The following CSMD3 variants were observed in gnomAD, a reference collection of about 807,000 sequenced individuals.
The protein encoded by CSMD3 is CUB and sushi domain-containing protein 3.
Under a neutral mutation model 435.2 loss-of-function variants are expected in CSMD3, and 177 were observed. The ratio of observed to expected loss-of-function variants is 0.41; its 90% CI spans 0.36 to 0.46. The LOEUF (loss-of-function observed/expected upper bound fraction) is 0.46, where lower values mean the gene tolerates loss of function less well. CSMD3 is among the 20% of genes least tolerant of loss of function. CSMD3 has a pLI of 0.34. For synonymous variants in CSMD3, 1,656 were observed against 1,520.5 expected, an observed-to-expected ratio of 1.09 and a Z score of -2.07; for missense variants, 4,265 against 4,504.6, an observed-to-expected ratio of 0.95 and a Z score of 1.52.
chr8:112,993,274 G>T lies in CSMD3; in HGVS notation c.1031-17126C>A, dbSNP rs577487234. On this transcript the variant is annotated intron_variant, in intron 6 of 70. Transcript: ENST00000297405. ...GCAGCAGGGAAAGGCCAGTGTAATT[G>T]GCACAAATATGACTGTGAATAATGC... is the stretch of plus-strand genomic sequence containing the variant. 5.3e-5 allele frequency among the ~76,000 whole-genome samples: 8 copies of T among 151,882 alleles called. No homozygotes were observed. The South Asian group carries it at 1.7e-3, about 31-fold the overall frequency.
At chr8:112,369,351 T>C (rs1369915077) in intron 38 of CSMD3, among the ~76,000 whole-genome samples, 2 of 152,184 alleles carry the variant, frequency 1.3e-5, no homozygotes, top group Non-Finnish European at 2.9e-5. Context: ...TTTCTTACTC[T>C]AAAAAATATA....
intron 6 of CSMD3, among the ~76,000 whole-genome samples, chr8:113,008,840 A>G (rs1161785321): frequency 6.6e-6 from 1 of 151,396 alleles, no homozygotes; most frequent in Non-Finnish European, 1.5e-5. Context: ...CCTATTTATT[A>G]TATTAATTAT....
chr8:112,298,581 A>C (rs1820572785), intron 53 of CSMD3, among the ~76,000 whole-genome samples: 2 of 152,118 alleles, frequency 1.3e-5, no homozygotes, highest in Admixed American at 6.6e-5. Context: ...TATAAAACAC[A>C]TAATGATGAA....
chr8:113,406,798 T>C (rs2094534736), intron 1 of CSMD3, among the ~76,000 whole-genome samples: 1 of 152,098 alleles, frequency 6.6e-6, no homozygotes, highest in Non-Finnish European at 1.5e-5. Context: ...TATTAAGAGC[T>C]TATATTTAGT....
rs2131301779 is a variant in CSMD3, at chr8:112,573,592, T to C, written c.3951A>G (p.Gly1317=). 6.2e-7 allele frequency: 1 copy of C among 1,613,350 alleles called. No individual in the cohort carries two copies. Among genetic ancestry groups the C allele is most frequent in the Non-Finnish European group, 8.5e-7 (1 of 1,179,446 alleles). ...GATTTGAAGTACTACTAAGTGTCAGTCCGCGCATAGATGCACCAGTAAAAG... is the reference window on the plus strand; with the variant it reads ...GATTTGAAGTACTACTAAGTGTCAGCCCGCGCATAGATGCACCAGTAAAAG... ...LGAFTGASMR[G]LTLSSTSNQL... is the part of the protein sequence containing the mutation. Residue 1317 remains glycine, a synonymous_variant, in exon 24 of 71, where the codon GGA becomes GGG. Coordinates refer to ENST00000297405, the MANE Select transcript of CSMD3 (RefSeq NM_198123.2).
At chr8:113,426,236 A>G (rs775663407) in intron 1 of CSMD3, among the ~76,000 whole-genome samples, 3 of 151,476 alleles carry the variant, frequency 2.0e-5, no homozygotes, top group Admixed American at 1.3e-4. Context: ...TATACTTCTG[A>G]TAATGGATTC....
intron 5 of CSMD3, among the ~76,000 whole-genome samples, chr8:113,058,969 T>A (rs994780249): frequency 6.6e-6 from 1 of 152,082 alleles, no homozygotes; most frequent in Non-Finnish European, 1.5e-5. Flanking sequence ...CACATCACAC[T>A]ATAGCTAGCA....
chr8:112,796,782 T>C lies in CSMD3; in HGVS notation c.1972+3380A>G, dbSNP rs2078839555. 2.0e-5 allele frequency among the ~76,000 whole-genome samples: 3 copies of C among 152,002 alleles called. No individual in the cohort carries two copies. In the South Asian group the frequency reaches 6.2e-4, roughly 31 times the overall value. ...TTAGTTCACATCTTAAATAATAGTT[T>C]TGGCAAACAAAAAAAATCTCCTGTG... is the stretch of plus-strand genomic sequence containing the variant. On this transcript the variant is annotated intron_variant, in intron 13 of 70. Transcript: ENST00000297405.
At chr8:113,404,664 G>T (rs1393161827) in intron 1 of CSMD3, among the ~76,000 whole-genome samples, 1 of 151,222 alleles carries the variant, frequency 6.6e-6, no homozygotes. Flanking sequence ...CTACACACCT[G>T]CTCCTACAAA....
intron 27 of CSMD3, among the ~76,000 whole-genome samples, chr8:112,543,312 T>C (rs1002352420): frequency 1.4e-4 from 22 of 152,054 alleles, no homozygotes; most frequent in Non-Finnish European, 2.9e-4. Flanking sequence ...TGGCAAGCTA[T>C]GGAATGGGAG....
Position 113,212,639 on chromosome 8 carries a change from C to CA in CSMD3, c.515-38724dup, listed in dbSNP as rs1373837694. Among the ~76,000 whole-genome samples, 6 of 151,048 alleles carry CA rather than the reference C, an allele frequency of 4.0e-5. No individual in the cohort carries two copies. In the East Asian group the frequency reaches 5.9e-4, roughly 15 times the overall value. ...CATTCTCAGCAAACTATCACAAGGACAAAAAACCAAACACCGCATGTTCTC... is the reference window on the plus strand; with the variant it reads ...CATTCTCAGCAAACTATCACAAGGACAAAAAAACCAAACACCGCATGTTCTC... On this transcript the variant is annotated intron_variant, in intron 3 of 70. Coordinates refer to ENST00000297405, the MANE Select transcript of CSMD3 (RefSeq NM_198123.2).
At chr8:112,752,914 TG>T (rs1563926845) in intron 13 of CSMD3, among the ~76,000 whole-genome samples, 16 of 149,202 alleles carry the variant, frequency 1.1e-4, no homozygotes, top group Middle Eastern at 3.5e-3. Flanking sequence ...TGTGTGTGTG[TG>T]TGTGTGTGTG....
intron 59 of CSMD3, among the ~76,000 whole-genome samples, chr8:112,276,064 A>G (rs1818005824): frequency 6.6e-6 from 1 of 152,188 alleles, no homozygotes; most frequent in Admixed American, 6.5e-5. Context: ...CCTAGATACA[A>G]TGGGGGTACA....
At chr8:112,961,274 T>C (rs144828628) in intron 7 of CSMD3, among the ~76,000 whole-genome samples, 313 of 152,000 alleles carry the variant, frequency 2.1e-3, no homozygotes, top group Middle Eastern at 6.8e-3. Context: ...ACACAAAATA[T>C]ATTATCTATG....
At chr8:112,738,863 C>A (rs2077243102) in intron 13 of CSMD3, among the ~76,000 whole-genome samples, 1 of 151,188 alleles carries the variant, frequency 6.6e-6, no homozygotes, top group Admixed American at 6.6e-5. Context: ...TTTCATTCAC[C>A]ACTTATTGCA....
chr8:112,978,336 G>A (rs796593260), intron 6 of CSMD3, among the ~76,000 whole-genome samples: 27 of 151,800 alleles, frequency 1.8e-4, no homozygotes, highest in East Asian at 7.8e-4. Flanking sequence ...ATAATCCCTC[G>A]AATTTGAGTC....
At chr8:113,259,865 T>G (rs1309993035) in intron 3 of CSMD3, among the ~76,000 whole-genome samples, 3 of 152,112 alleles carry the variant, frequency 2.0e-5, no homozygotes, top group African/African-American at 7.2e-5. Flanking sequence ...CACCCAAATC[T>G]TATCTTCAAT....
At position 112,685,465 on chromosome 8, in the gene CSMD3, C is replaced by G. The variant is rs1262637407; in HGVS notation, c.2423G>C (p.Arg808Pro). The G allele has an allele frequency of 3.1e-6, 5 of 1,613,976 alleles. No individual in the cohort carries two copies. The highest frequency in any genetic ancestry group is 4.2e-6 in the Non-Finnish European group (5 of 1,179,958). Residue 808 changes from arginine to proline, a missense_variant, in exon 15 of 71, where the codon CGA (arginine) becomes CCA (proline). Arg to Pro is a moderately radical substitution (Grantham distance 103). Around this residue, in one of 3 missense-constraint regions of CSMD3, gnomAD observed 279 missense variants for 369.0 expected, o/e 0.76. Transcript: ENST00000297405. ...SHLTSNSHIL[R>P]LEFQADHSMS... ...TGAGTGGTCAGCCTGAAATTCCAAT[C>G]GCAGTATGTGACTATTACTAGTAAG...
intron 3 of CSMD3, among the ~76,000 whole-genome samples, chr8:113,188,924 C>A (rs2092546779): frequency 6.6e-6 from 1 of 151,792 alleles, no homozygotes; most frequent in South Asian, 2.1e-4. Context: ...AATATCATCA[C>A]ATTCTAATCT....
Sources: gnomAD v4.1 joint callset for allele counts (sites outside exome capture counted in the v4.1 genomes callset) on GRCh38, gnomAD v4.1.1 for gene constraint, gnomAD v4.1.1 regional missense constraint, MANE v1.5 for transcripts, NCBI Gene and HGNC (gene_info 2026-07-23, HGNC 2026-07-21) for gene names.